The following DYM variants were observed in gnomAD, a reference collection of about 807,000 sequenced individuals.
The protein encoded by DYM is dyggve-Melchior-Clausen syndrome protein.
A neutral mutation model predicts 93.1 loss-of-function variants in DYM; 78 were observed. The ratio of observed to expected loss-of-function variants is 0.84; its 90% CI spans 0.70 to 1.01. DYM has a LOEUF of 1.01. DYM is among the 50% of genes least tolerant of loss of function. The pLI, the probability that DYM is intolerant of heterozygous loss-of-function variation, is 0.00. For missense variants in DYM, 789 were observed against 845.0 expected (o/e 0.93, Z 0.82); for synonymous variants, 321 against 319.7 (o/e 1.00, Z -0.04).
chr18:49,348,962 C>T (rs1350585527), intron 6 of DYM, among the ~76,000 whole-genome samples: 2 of 149,622 alleles, frequency 1.3e-5, no homozygotes, highest in African/African-American at 2.5e-5. Context: ...AATCTCAGCA[C>T]TTTGGGAGGC....
At chr18:49,148,393 A>T (rs1413529701) in intron 15 of DYM, among the ~76,000 whole-genome samples, 1 of 152,120 alleles carries the variant, frequency 6.6e-6, no homozygotes, top group Non-Finnish European at 1.5e-5. Context: ...ACTTTAAGAT[A>T]CATTTTAAAA....
chr18:49,152,170 T>A (rs535968682), intron 15 of DYM, among the ~76,000 whole-genome samples: 2 of 152,328 alleles, frequency 1.3e-5, no homozygotes, highest in African/African-American at 4.8e-5. Flanking sequence ...AAAAGTTTTT[T>A]AATAATTTTT....
In DYM at chr18:49,374,282, CTTGA is replaced by C. The variant is rs1407029760; in HGVS notation, c.421+4281_421+4284del. Among the ~76,000 whole-genome samples the C allele has an allele frequency of 2.0e-5, 3 of 152,236 alleles. No individual in the cohort carries two copies. The East Asian group carries it at 5.8e-4, about 29-fold the overall frequency. Reference sequence around the variant, plus strand: ...CAACTTAGTTAACTTCCTCAAAATCCTTGATTAAGTCTATACTATAACATACAGT... The same window carrying C: ...CAACTTAGTTAACTTCCTCAAAATCCTTAAGTCTATACTATAACATACAGT... On this transcript the variant is annotated intron_variant, in intron 5 of 17. Transcript: ENST00000675505.
intron 14 of DYM, among the ~76,000 whole-genome samples, chr18:49,197,224 C>G (rs2091539537): frequency 6.6e-6 from 1 of 152,012 alleles, no homozygotes; most frequent in African/African-American, 2.4e-5. Context: ...AACATATTGG[C>G]ATGTGGATGT....
chr18:49,054,941 C>T (rs1191212469), intron 17 of DYM, among the ~76,000 whole-genome samples: 1 of 152,250 alleles, frequency 6.6e-6, no homozygotes, highest in Non-Finnish European at 1.5e-5. Context: ...TTGGCTAGAA[C>T]TGGAAGCCCC....
chr18:49,204,721 T>G (rs545282674), intron 14 of DYM, among the ~76,000 whole-genome samples: 2 of 152,288 alleles, frequency 1.3e-5, no homozygotes, highest in African/African-American at 4.8e-5. Flanking sequence ...TAAGTAAACC[T>G]CAACTCGCTA....
intron 16 of DYM, among the ~76,000 whole-genome samples, chr18:49,108,968 C>T (rs1042153535): frequency 1.3e-5 from 2 of 151,904 alleles, no homozygotes; most frequent in Non-Finnish European, 1.5e-5. Context: ...CCTCTTTATC[C>T]CTGGTAATGC....
chr18:49,077,182 G>A (rs73439684), intron 17 of DYM, among the ~76,000 whole-genome samples: 15,835 of 152,052 alleles, frequency 0.1, 1,074 homozygotes, highest in East Asian at 0.25. Flanking sequence ...CATAAATTTC[G>A]TCGTTTGTAT....
At chr18:49,075,696 G>T (rs2077245139) in intron 17 of DYM, among the ~76,000 whole-genome samples, 1 of 152,152 alleles carries the variant, frequency 6.6e-6, no homozygotes, top group Non-Finnish European at 1.5e-5. Flanking sequence ...TTCCAACACG[G>T]AAAATTCAAA....
chr18:49,187,421 C>T (rs1333019302), intron 14 of DYM, among the ~76,000 whole-genome samples: 1 of 152,060 alleles, frequency 6.6e-6, no homozygotes, highest in Non-Finnish European at 1.5e-5. Flanking sequence ...CACTTTTGGG[C>T]CAAACACTAT....
intron 8 of DYM, among the ~76,000 whole-genome samples, chr18:49,318,648 A>G (rs185979396): frequency 1.0e-3 from 152 of 151,928 alleles, no homozygotes; most frequent in Admixed American, 3.1e-3. Context: ...GAGAGAGAGA[A>G]AGAAATTATC....
chr18:49,095,852 A>G (rs1452691621), intron 17 of DYM, among the ~76,000 whole-genome samples: 1 of 152,216 alleles, frequency 6.6e-6, no homozygotes, highest in Non-Finnish European at 1.5e-5. Flanking sequence ...ATTACAGTGA[A>G]CTACAAGATT....
At chr18:49,234,145 C>T (rs1235827667) in intron 13 of DYM, among the ~76,000 whole-genome samples, 2 of 150,826 alleles carry the variant, frequency 1.3e-5, no homozygotes, top group Non-Finnish European at 3.0e-5. Flanking sequence ...ACAACAACAA[C>T]AACAAAACTG....
intron 17 of DYM, among the ~76,000 whole-genome samples, chr18:49,081,967 C>T (rs1404485961): frequency 6.6e-6 from 1 of 152,226 alleles, no homozygotes; most frequent in East Asian, 1.9e-4. Flanking sequence ...TGCATCTGCT[C>T]ACTCTTCGGT....
chr18:49,382,268 G>C lies in DYM; in HGVS notation c.194-2510C>G, dbSNP rs562930061. Among the ~76,000 whole-genome samples, 3 of 152,246 alleles carry C rather than the reference G, an allele frequency of 2.0e-5. No individual in the cohort carries two copies. The East Asian group carries it at 5.8e-4, about 29-fold the overall frequency. ...CGTGTATTTATTGAGCTACTCATATGTGCCCACACTGTTTCAGATACTAAG... is the reference window on the plus strand; with the variant it reads ...CGTGTATTTATTGAGCTACTCATATCTGCCCACACTGTTTCAGATACTAAG... On this transcript the variant is annotated intron_variant, in intron 3 of 17. Transcript: ENST00000675505.
intron 13 of DYM, among the ~76,000 whole-genome samples, chr18:49,222,167 T>C (rs550872798): frequency 7.2e-5 from 11 of 152,184 alleles, no homozygotes; most frequent in African/African-American, 2.4e-4. Context: ...AACAACTATA[T>C]ACACATACAC....
chr18:49,203,018 C>T (rs1438761588), intron 14 of DYM, among the ~76,000 whole-genome samples: 11 of 30,990 alleles, frequency 3.5e-4, no homozygotes, highest in Non-Finnish European at 7.6e-4. Context: ...GTCAGCCCCC[C>T]GCCTGGCCGG....
In DYM at chr18:49,049,089, T is replaced by C. The variant is rs192942045; in HGVS notation, c.2026-4885A>G. The stretch of plus-strand genomic sequence containing the variant: ...ATCTGTCAAGAGAAGACGTGTAGAT[T>C]TTATTATGAAGTTATTCTTCAAGCT... On this transcript the variant is annotated intron_variant, in intron 17 of 17. Transcript: ENST00000675505. 6.4e-3 allele frequency among the ~76,000 whole-genome samples: 968 copies of C among 151,136 alleles called. 5 individuals are homozygous for C. Among genetic ancestry groups the C allele is most frequent in the South Asian group, 0.014 (68 of 4,774 alleles).
chr18:49,349,905 C>T (rs1374186590), intron 6 of DYM, among the ~76,000 whole-genome samples: 1 of 152,070 alleles, frequency 6.6e-6, no homozygotes, highest in Non-Finnish European at 1.5e-5. Flanking sequence ...TGCAGTGAGC[C>T]GTGATCGCAC....
Sources: allele counts gnomAD v4.1 joint callset (sites outside exome capture counted in the v4.1 genomes callset), GRCh38; gene constraint gnomAD v4.1.1; transcripts MANE v1.5; gene names NCBI Gene and HGNC (gene_info 2026-07-23, HGNC 2026-07-21).